The following LRRC43 variants were observed in gnomAD, a reference collection of about 807,000 sequenced individuals.
LRRC43 encodes the protein leucine rich repeat containing 43, also known as leucine-rich repeat-containing protein 43.
LRRC43 carries 62 observed loss-of-function variants against 64.3 expected under a neutral mutation model. The ratio of observed to expected loss-of-function variants is 0.96; its 90% confidence interval spans 0.79 to 1.19. The LOEUF (loss-of-function observed/expected upper bound fraction) is 1.19, where lower values mean the gene tolerates loss of function less well. Ranked by LOEUF, LRRC43 falls within the 50% of genes most tolerant of loss-of-function variation. LRRC43 has a pLI of 0.00. For missense variants in LRRC43, 868 were observed against 845.0 expected (o/e 1.03, Z -0.34); for synonymous variants, 422 against 382.3 (o/e 1.10, Z -1.21).
chr12:122,167,719 A>T (rs1455038262), upstream of LRRC43: 2 of 151,990 alleles, frequency 1.3e-5, no homozygotes, highest in South Asian at 4.2e-4. Context: ...GGTAATGGAG[A>T]TATTCTGTCT....
At chr12:122,180,012 C>A (rs886686208), upstream of LRRC43, among the ~76,000 whole-genome samples, 1 of 149,446 alleles carries the variant, frequency 6.7e-6, no homozygotes, top group East Asian at 1.9e-4. Flanking sequence ...AAAAGTAACA[C>A]CAGAAATACA....
At chr12:122,202,169 T>C (rs1455592441) in intron 11 of LRRC43, 1 of 152,058 alleles carries the variant, frequency 6.6e-6, no homozygotes. Context: ...ATGTGATTTG[T>C]GATACTTATC....
At chr12:122,203,173 T>C in intron 11 of LRRC43, 142 bp from the exon 12 acceptor site, 1 of 715,364 alleles carries the variant, frequency 1.4e-6, no homozygotes, top group East Asian at 2.7e-5. Flanking sequence ...ATTTTATTTC[T>C]TATTACTGTT....
chr12:122,187,441 C>T, intron 3 of LRRC43: 1 of 413,832 alleles, frequency 2.4e-6, no homozygotes, highest in Non-Finnish European at 4.4e-6. Flanking sequence ...TGTTATGCAG[C>T]TCCCCCACTG....
At chr12:122,168,370 C>T (rs1166498092) in intron 1 of LRRC43, among the ~76,000 whole-genome samples, 2 of 150,142 alleles carry the variant, frequency 1.3e-5, no homozygotes, top group Admixed American at 1.3e-4. Flanking sequence ...GAACCTGGGA[C>T]GTGGAGATTG....
At position 122,192,845 on chromosome 12, in the gene LRRC43, A is replaced by C. The variant is rs749560013; in HGVS notation, c.1190A>C (p.Glu397Ala). ...IEDIVEEVTEEVEGSLESEVE... is the reference protein window; with the variant it reads ...IEDIVEEVTEAVEGSLESEVE... The stretch of plus-strand genomic sequence containing the variant: ...GACATTGTTGAAGAGGTTACTGAAG[A>C]GGTCGAAGGGTCTCTGGAGTCTGAG... Residue 397 changes from glutamate to alanine, a missense_variant, in exon 7 of 12, where the codon GAG becomes GCG. Physicochemically the swap from Glu to Ala is moderately radical, Grantham distance 107. Transcript: ENST00000339777. 28 of 1,614,180 alleles carry C rather than the reference A, an allele frequency of 1.7e-5. No homozygotes were observed. Among genetic ancestry groups the C allele is most frequent in the Non-Finnish European group, 2.3e-5 (27 of 1,180,046 alleles).
rs1405634996 is a variant in LRRC43 at position 122,200,359 on chromosome 12, T to C, written c.1491+29T>C. 1 of 1,608,246 alleles carries C rather than the reference T, an allele frequency of 6.2e-7. No individual in the cohort carries two copies. The highest frequency in any genetic ancestry group is 2.2e-5 in the East Asian group (1 of 44,814). The stretch of plus-strand genomic sequence containing the variant: ...GGCAGGCGGAGGCAGTGCCCGGCCA[T>C]CCACAGGCTGCACTTCTGTCCTTGT... On this transcript the variant is annotated intron_variant, in intron 8 of 11. Coordinates refer to ENST00000339777, the MANE Select transcript of LRRC43 (RefSeq NM_001098519.2). The surrounding 1 kb of genome is among the most constrained non-coding windows in gnomAD (Gnocchi z 4.6).
rs1953694982 is a variant in LRRC43 at position 122,189,944 on chromosome 12, G to A, written c.663-186G>A. The A allele has an allele frequency of 1.0e-5, 7 of 666,816 alleles. No homozygotes were observed. In the East Asian group the frequency reaches 1.8e-4, roughly 17 times the overall value. 41.3% of individuals were successfully genotyped at this position (666,816 alleles called of 1,614,324 possible). A position where few individuals can be genotyped will look rare whatever the true frequency, so the allele number is the denominator to read the frequency against. On this transcript the variant is annotated intron_variant, in intron 4 of 11. Transcript: ENST00000339777. ...TGTGAGGGTGGCAGTGCTACGGAGA[G>A]TGGAGATGAAGAGCCAGGCACTCGT...
chr12:122,183,469 C>T (rs1424282416), intron 1 of LRRC43, among the ~76,000 whole-genome samples, 175 bp downstream of exon 1: 2 of 152,052 alleles, frequency 1.3e-5, no homozygotes, highest in Non-Finnish European at 2.9e-5. Flanking sequence ...GCGGGCACTG[C>T]GCGGGGAGGA....
At chr12:122,179,635 GAGA>G (rs1380433018), upstream of LRRC43, among the ~76,000 whole-genome samples, 1 of 152,082 alleles carries the variant, frequency 6.6e-6, no homozygotes, top group African/African-American at 2.4e-5. Flanking sequence ...ACAGGACAAG[GAGA>G]AGATGATGAT....
chr12:122,174,261 G>A, intron 1 of LRRC43: 1 of 1,493,086 alleles, frequency 6.7e-7, no homozygotes. Flanking sequence ...AAGGGCCAGG[G>A]TGAGGAGAAA....
Position 122,174,313 on chromosome 12 carries a change from C to T in LRRC43, c.-406+6531C>T, listed in dbSNP as rs1054513859. The T allele has an allele frequency of 4.2e-6, 4 of 950,602 alleles. No homozygotes were observed. In the South Asian group the frequency reaches 4.4e-5, roughly 10 times the overall value. The allele number at this position is 950,602 out of a possible 1,614,324, so 58.9% of individuals were successfully genotyped here. On this transcript the variant is annotated intron_variant, in intron 1 of 5. Transcript: ENST00000537729. ...GCCCATGGCAAAACCATTTACTCAG[C>T]TTTTCTCCAGAAAACACTCAAAAGT...
chr12:122,181,370 C>T (rs1245624566), upstream of LRRC43, among the ~76,000 whole-genome samples: 1 of 151,128 alleles, frequency 6.6e-6, no homozygotes. Flanking sequence ...GGTGAAACCC[C>T]GTCTCTACTA....
chr12:122,177,475 AAGTGT>A (rs1938798635), intron 1 of LRRC43, among the ~76,000 whole-genome samples: 3 of 87,510 alleles, frequency 3.4e-5, no homozygotes, highest in Non-Finnish European at 7.4e-5. Context: ...ATGAGAGAGA[AAGTGT>A]GTGTGTGTGT....
chr12:122,187,847 C>T lies in LRRC43; in HGVS notation c.662+7C>T, dbSNP rs149000870. The T allele has an allele frequency of 9.6e-4, 1,552 of 1,613,664 alleles. 16 individuals are homozygous for T. In the African/African-American group the frequency reaches 0.018, roughly 18 times the overall value. On this transcript the variant is annotated splice_region_variant and intron_variant, in intron 4 of 11. Transcript: ENST00000339777. ...ACGTCACCGCTAATCACTGGTAACT[C>T]GGGAGCCCAGATGGAAAGTGAGAGG...
At chr12:122,198,596 G>A (rs929735614) in intron 7 of LRRC43, among the ~76,000 whole-genome samples, 8 of 149,902 alleles carry the variant, frequency 5.3e-5, no homozygotes, top group Admixed American at 2.0e-4. Context: ...ATCTGTGGTC[G>A]GTGTAATAAG....
At chr12:122,193,472 G>A (rs1437773011) in intron 7 of LRRC43, among the ~76,000 whole-genome samples, 1 of 150,494 alleles carries the variant, frequency 6.6e-6, no homozygotes, top group African/African-American at 2.4e-5. Flanking sequence ...CTCTTCTCTG[G>A]AGGGTTCAAC....
chr12:122,202,362 T>G (rs1953851750), intron 11 of LRRC43: 1 of 152,166 alleles, frequency 6.6e-6, no homozygotes, highest in South Asian at 2.1e-4. Context: ...AGGGAGTATT[T>G]TAATAGACCT....
rs1198025845 is a variant in LRRC43 at position 122,192,861 on chromosome 12, G to A, written c.1206G>A (p.Leu402=). The change falls in exon 7 of 12, where the codon CTG becomes CTA. Residue 402 remains leucine (L), a synonymous_variant. Transcript: ENST00000339777. ...TTACTGAAGAGGTCGAAGGGTCTCT[G>A]GAGTCTGAGGTGGAGGAGTCAGGAG... The part of the protein sequence containing the change: ...EEVTEEVEGS[L]ESEVEESGES... 3 of 1,613,368 alleles carry A rather than the reference G, an allele frequency of 1.9e-6. No homozygotes were observed. The highest frequency in any genetic ancestry group is 3.3e-4 in the Middle Eastern group (2 of 6,062).
Sources: gnomAD v4.1 joint callset for allele counts (sites outside exome capture counted in the v4.1 genomes callset) on GRCh38, gnomAD v4.1.1 for gene constraint, Gnocchi (gnomAD v3.1) non-coding constraint, MANE v1.5 for transcripts, NCBI Gene and HGNC (gene_info 2026-07-23, HGNC 2026-07-21) for gene names.